Variants in NOS1AP observed in about 807,000 individuals in gnomAD.
The protein encoded by NOS1AP is nitric oxide synthase 1 adaptor protein.
In NOS1AP, 21 loss-of-function variants were observed where a neutral mutation model predicts 56.2. That is an observed-to-expected ratio of 0.37 (90% CI 0.26 to 0.54). The LOEUF (loss-of-function observed/expected upper bound fraction) is 0.54. Among genes scored for constraint, NOS1AP ranks in the 20% least tolerant of loss-of-function variants. NOS1AP has a pLI of 0.84. For missense variants in NOS1AP, 522 were observed against 657.8 expected (o/e 0.79, Z 2.26); for synonymous variants, 270 against 274.6 (o/e 0.98, Z 0.17).
At chr1:162,081,774 A>ATATATTTTTTTTTTTTTT in intron 1 of NOS1AP, among the ~76,000 whole-genome samples, 10 of 44,058 alleles carry the variant, frequency 2.3e-4, no homozygotes, top group Admixed American at 6.3e-4. Context: ...ATATATATAT[A>ATATATTTTTTTTTTTTTT]TTTTTTTTTT....
At chr1:162,279,165 A>G (rs977948310) in intron 2 of NOS1AP, among the ~76,000 whole-genome samples, 5 of 152,220 alleles carry the variant, frequency 3.3e-5, no homozygotes, top group Non-Finnish European at 4.4e-5. Flanking sequence ...GATTGTTAGT[A>G]CTGGTACTCA....
Position 162,316,783 on chromosome 1 carries a change from G to A in NOS1AP, c.344+16077G>A, listed in dbSNP as rs139819598. ...ACAAAGAACCTTCTTAAAGGTGGGG[G>A]AGATTACAAAGTACATTGATCAGTT... is the stretch of plus-strand genomic sequence containing the variant. On this transcript the variant is annotated intron_variant, in intron 4 of 9. Coordinates refer to ENST00000361897, the MANE Select transcript of NOS1AP (RefSeq NM_014697.3). The A allele has an allele frequency of 7.8e-5, 12 of 152,900 alleles. No homozygotes were observed. In the East Asian group the frequency reaches 2.3e-3, roughly 29 times the overall value. 9.5% of individuals were successfully genotyped at this position (152,900 alleles called of 1,614,324 possible). A position where few individuals can be genotyped will look rare whatever the true frequency, so the allele number is the denominator to read the frequency against.
At chr1:162,321,221 G>C (rs191665337) in intron 4 of NOS1AP, among the ~76,000 whole-genome samples, 25 of 152,322 alleles carry the variant, frequency 1.6e-4, no homozygotes, top group African/African-American at 6.0e-4. Context: ...TGTCAGGTTT[G>C]TCAAAGATCA....
At chr1:162,289,513 C>T (rs1281134896) in intron 3 of NOS1AP, among the ~76,000 whole-genome samples, 2 of 117,866 alleles carry the variant, frequency 1.7e-5, no homozygotes, top group South Asian at 2.9e-4. Flanking sequence ...CTCGCTCTGT[C>T]GCCCAGGCTG....
At chr1:162,150,863 C>T (rs975845787) in intron 1 of NOS1AP, among the ~76,000 whole-genome samples, 1 of 151,894 alleles carries the variant, frequency 6.6e-6, no homozygotes, top group Non-Finnish European at 1.5e-5. Context: ...GTTATTAATC[C>T]CTTGTCAGAT....
At chr1:162,278,695 G>A (rs1311951634) in intron 2 of NOS1AP, among the ~76,000 whole-genome samples, 3 of 151,778 alleles carry the variant, frequency 2.0e-5, no homozygotes, top group African/African-American at 4.8e-5. Context: ...GTGTGTGTGT[G>A]TGTGTGTGTG....
At chr1:162,345,224 T>C (rs926081122) in intron 6 of NOS1AP, among the ~76,000 whole-genome samples, 1 of 151,914 alleles carries the variant, frequency 6.6e-6, no homozygotes, top group African/African-American at 2.4e-5. Flanking sequence ...GTTACATATG[T>C]ATACATGTGC....
chr1:162,347,697 T>C (rs1657348846), intron 6 of NOS1AP, among the ~76,000 whole-genome samples: 1 of 152,192 alleles, frequency 6.6e-6, no homozygotes, highest in Non-Finnish European at 1.5e-5. Flanking sequence ...TTGATGTGAT[T>C]CACGATTCCC....
At chr1:162,293,250 C>A (rs1254975282) in intron 3 of NOS1AP, among the ~76,000 whole-genome samples, 1 of 146,856 alleles carries the variant, frequency 6.8e-6, no homozygotes, top group African/African-American at 2.4e-5. Context: ...GTCACCGCTG[C>A]TATTAGGTGC....
intron 2 of NOS1AP, among the ~76,000 whole-genome samples, chr1:162,212,951 G>A (rs1051904483): frequency 3.9e-5 from 6 of 152,324 alleles, no homozygotes; most frequent in Admixed American, 2.6e-4. Flanking sequence ...CTGTCACACA[G>A]CTGCCTTGAG....
intron 2 of NOS1AP, among the ~76,000 whole-genome samples, chr1:162,190,176 G>C (rs1308636671): frequency 6.6e-6 from 1 of 152,080 alleles, no homozygotes; most frequent in Non-Finnish European, 1.5e-5. Context: ...TACCCTCCCT[G>C]CCCCTCTCTG....
intron 2 of NOS1AP, among the ~76,000 whole-genome samples, chr1:162,203,959 C>T (rs1352774370): frequency 6.6e-6 from 1 of 152,112 alleles, no homozygotes; most frequent in Non-Finnish European, 1.5e-5. Context: ...TTCTTAGTAC[C>T]CATTGCCACC....
chr1:162,334,201 A>G (rs1381378984), intron 5 of NOS1AP, among the ~76,000 whole-genome samples: 1 of 152,202 alleles, frequency 6.6e-6, no homozygotes, highest in East Asian at 1.9e-4. Context: ...ATGCTTTGTT[A>G]ACTTAGCCTC....
intron 4 of NOS1AP, among the ~76,000 whole-genome samples, chr1:162,321,725 A>T (rs1178281684): frequency 1.9e-4 from 24 of 128,314 alleles, no homozygotes; most frequent in Admixed American, 7.5e-4. Context: ...TAATTAAAAA[A>T]AAAAAAATAT....
chr1:162,310,881 G>A (rs1656003193), intron 4 of NOS1AP, among the ~76,000 whole-genome samples: 1 of 111,552 alleles, frequency 9.0e-6, no homozygotes, highest in Non-Finnish European at 1.9e-5. Context: ...CTGTCTCTCT[G>A]TTCGCTGACT....
At chr1:162,178,134 G>A (rs1039048874) in intron 2 of NOS1AP, among the ~76,000 whole-genome samples, 4 of 152,152 alleles carry the variant, frequency 2.6e-5, no homozygotes, top group Non-Finnish European at 5.9e-5. Flanking sequence ...CTTTCACTTA[G>A]TAGTATGCAT....
intron 4 of NOS1AP, among the ~76,000 whole-genome samples, chr1:162,312,840 A>C (rs1032234358): frequency 6.6e-6 from 1 of 151,926 alleles, no homozygotes; most frequent in Non-Finnish European, 1.5e-5. Context: ...GCAAATCAAT[A>C]AATGTAATCC....
intron 2 of NOS1AP, among the ~76,000 whole-genome samples, chr1:162,155,392 T>TATATAG (rs1553190441): frequency 2.1e-5 from 3 of 145,970 alleles, no homozygotes; most frequent in South Asian, 4.4e-4. Flanking sequence ...CTTATATATA[T>TATATAG]AGAGAGCTCA....
At chr1:162,220,038 C>T (rs1232933924) in intron 2 of NOS1AP, among the ~76,000 whole-genome samples, 1 of 152,168 alleles carries the variant, frequency 6.6e-6, no homozygotes, top group East Asian at 1.9e-4. Flanking sequence ...TCAAGGGATC[C>T]CCCTGACCTC....
Sources: gnomAD v4.1 joint callset for allele counts (sites outside exome capture counted in the v4.1 genomes callset) on GRCh38, gnomAD v4.1.1 for gene constraint, MANE v1.5 for transcripts, NCBI Gene and HGNC (gene_info 2026-07-23, HGNC 2026-07-21) for gene names.